Variants in ZNF143 observed in about 807,000 individuals in gnomAD.
ZNF143 encodes the protein SPH-binding factor.
In ZNF143, 49 loss-of-function variants were observed where a neutral mutation model predicts 74.1. That is an observed-to-expected ratio of 0.66 (90% CI 0.53 to 0.84). ZNF143 has a LOEUF of 0.84. Among genes scored for constraint, ZNF143 ranks in the 40% least tolerant of loss-of-function variants. ZNF143 has a pLI of 0.00. For synonymous variants in ZNF143, 304 were observed against 282.8 expected, an observed-to-expected ratio of 1.07 and a Z score of -0.75; for missense variants, 637 against 793.4, an observed-to-expected ratio of 0.80 and a Z score of 2.37.
chr11:9,478,817 A>G (rs11824009), intron 6 of ZNF143, among the ~76,000 whole-genome samples: 2,843 of 152,224 alleles, frequency 0.019, 82 homozygotes, highest in African/African-American at 0.064. Flanking sequence ...AAAAGACACT[A>G]GCAACTCAAA....
intron 12 of ZNF143, among the ~76,000 whole-genome samples, chr11:9,511,157 C>G (rs1252098253): frequency 7.7e-6 from 1 of 129,266 alleles, no homozygotes; most frequent in Non-Finnish European, 1.6e-5. Flanking sequence ...GTTGCCCAGG[C>G]TGGAGTGCAA....
rs773646909 is a variant in ZNF143 at position 9,508,792 on chromosome 11, A to G, written c.1321A>G (p.Asn441Asp). Residue 441 changes from asparagine to aspartate, a missense_variant, in exon 12 of 16, where the codon AAC (asparagine) becomes GAC (aspartate). By Grantham distance (23) the Asn-to-Asp change is conservative. Around this residue, in one of 2 missense-constraint regions of ZNF143, gnomAD observed 344 missense variants for 485.6 expected, o/e 0.71. Transcript: ENST00000396602. ...GGCCATGCACAAACGGACAGCCCAC[A>G]ACGACACTGAGCCCATCGAGGAGGA... ...TLAMHKRTAH[N>D]DTEPIEEEQE... The G allele has an allele frequency of 1.2e-6, 2 of 1,610,082 alleles. No individual in the cohort carries two copies. Among genetic ancestry groups the G allele is most frequent in the Non-Finnish European group, 1.7e-6 (2 of 1,177,936 alleles).
At chr11:9,497,474 G>A (rs576386374) in intron 9 of ZNF143, among the ~76,000 whole-genome samples, 1 of 152,108 alleles carries the variant, frequency 6.6e-6, no homozygotes, top group African/African-American at 2.4e-5. Flanking sequence ...CAGGTGATCC[G>A]CCCGCCTTGG....
At chr11:9,524,045 C>CAAA (rs533664056) in intron 14 of ZNF143, among the ~76,000 whole-genome samples, 6 of 86,718 alleles carry the variant, frequency 6.9e-5, no homozygotes, top group East Asian at 2.9e-4. Context: ...GAGACTACCT[C>CAAA]AAAAAAAAAA....
In ZNF143 at chr11:9,500,138, G is replaced by A. The variant is rs138712208; in HGVS notation, c.968-953G>A. 8.9e-4 allele frequency among the ~76,000 whole-genome samples: 135 copies of A among 151,938 alleles called. 2 individuals carry two copies. In the East Asian group the frequency reaches 0.023, roughly 25 times the overall value. On this transcript the variant is annotated intron_variant, in intron 10 of 15. Coordinates refer to ENST00000396602, the MANE Select transcript of ZNF143 (RefSeq NM_003442.6). ...TTTTGAATTTTTTTTGTAGAGACGG[G>A]GTTTCGCCATGTTGCCCAGGCTGGT... is the stretch of plus-strand genomic sequence containing the variant.
intron 10 of ZNF143, among the ~76,000 whole-genome samples, chr11:9,500,331 CTTTTTTT>C (rs11327903): frequency 2.8e-5 from 4 of 143,188 alleles, no homozygotes; most frequent in African/African-American, 1.0e-4. Flanking sequence ...ACTAGATTTT[CTTTTTTT>C]TTTTTTTGGT....
chr11:9,527,921 G>GC lies in ZNF143; in HGVS notation c.*308_*309insC. On this transcript the variant is annotated 3_prime_UTR_variant, in exon 16 of 16. Coordinates refer to ENST00000396602, the MANE Select transcript of ZNF143 (RefSeq NM_003442.6). ...CATGCAAGACTAGTAAAGTCTTATGGAGTCTTATGATGGATTTTTAACTTC... is the reference window on the plus strand; with the variant it reads ...CATGCAAGACTAGTAAAGTCTTATGGCAGTCTTATGATGGATTTTTAACTTC... 5.2e-6 allele frequency: 1 copy of GC among 193,456 alleles called. No homozygotes were observed. The highest frequency in any genetic ancestry group is 1.1e-5 in the Non-Finnish European group (1 of 95,076). The allele number at this position is 193,456 out of a possible 1,614,324, so 12.0% of individuals were successfully genotyped here. A position where few individuals can be genotyped will look rare whatever the true frequency, so the allele number is the denominator to read the frequency against.
chr11:9,471,552 T>TG (rs1554961168), intron 2 of ZNF143, 132 bp downstream of exon 2: 1 of 491,912 alleles, frequency 2.0e-6, no homozygotes, highest in African/African-American at 2.1e-5. Context: ...GGTGTTTTGG[T>TG]GTTTTTTTTT....
At position 9,527,724 on chromosome 11, in the gene ZNF143, G is replaced by A. The variant is rs2134299678; in HGVS notation, c.*111G>A. On this transcript the variant is annotated 3_prime_UTR_variant, in exon 16 of 16. Coordinates refer to ENST00000396602, the MANE Select transcript of ZNF143 (RefSeq NM_003442.6). ...AGAAGTTTTCCATTCCTGATACACT[G>A]TACACATTTTTATGCGAGAGTGGAG... 1.1e-6 allele frequency: 1 copy of A among 916,800 alleles called. No individual in the cohort carries two copies. Among genetic ancestry groups the A allele is most frequent in the Non-Finnish European group, 1.7e-6 (1 of 588,764 alleles). 56.8% of individuals were successfully genotyped at this position (916,800 alleles called of 1,614,324 possible). A position where few individuals can be genotyped will look rare whatever the true frequency, so the allele number is the denominator to read the frequency against.
intron 14 of ZNF143, among the ~76,000 whole-genome samples, chr11:9,520,178 G>C (rs1848868784): frequency 6.6e-6 from 1 of 151,390 alleles, no homozygotes; most frequent in Non-Finnish European, 1.5e-5. Flanking sequence ...CAGGATTACA[G>C]GCACCCACCA....
intron 11 of ZNF143, among the ~76,000 whole-genome samples, chr11:9,504,014 C>T (rs570695119): frequency 7.5e-6 from 1 of 133,990 alleles, no homozygotes; most frequent in African/African-American, 2.8e-5. Flanking sequence ...GGCTGGAGTG[C>T]AGTGGCGCAA....
At chr11:9,492,802 G>T (rs1047801924) in intron 7 of ZNF143, among the ~76,000 whole-genome samples, 2 of 152,122 alleles carry the variant, frequency 1.3e-5, no homozygotes, top group Non-Finnish European at 2.9e-5. Context: ...TCAAGTAGCT[G>T]ATAGACTAAT....
intron 7 of ZNF143, among the ~76,000 whole-genome samples, chr11:9,483,750 CTTT>C (rs753979043): frequency 8.8e-5 from 11 of 124,806 alleles, no homozygotes; most frequent in Non-Finnish European, 6.8e-5. Context: ...GGCCGGAATT[CTTT>C]TTTTTTTTTT....
At chr11:9,526,085 C>T (rs1232496385) in intron 15 of ZNF143, among the ~76,000 whole-genome samples, 1 of 152,040 alleles carries the variant, frequency 6.6e-6, no homozygotes, top group Non-Finnish European at 1.5e-5. Context: ...TTTGAGGCTG[C>T]AGTGAGCCAA....
rs993296948 is a variant in ZNF143 at position 9,484,958 on chromosome 11, C to T, written c.645+5412C>T. Among the ~76,000 whole-genome samples the T allele has an allele frequency of 2.0e-5, 3 of 150,198 alleles. No individual in the cohort carries two copies. The East Asian group carries it at 5.8e-4, about 29-fold the overall frequency. On this transcript the variant is annotated intron_variant, in intron 7 of 15. Coordinates refer to ENST00000396602, the MANE Select transcript of ZNF143 (RefSeq NM_003442.6). ...GACTACAGGCGCCCGCCACCACGCC[C>T]GGCTAATTTTTTGTATTTTTAGTAG...
At chr11:9,496,477 C>A in intron 9 of ZNF143, 99 bp downstream of exon 9, 3 of 964,920 alleles carry the variant, frequency 3.1e-6, no homozygotes, top group South Asian at 1.4e-5. Context: ...TCTGAATCTG[C>A]AGAAGCACAT....
intron 9 of ZNF143, among the ~76,000 whole-genome samples, chr11:9,496,956 TA>T (rs966506908): frequency 2.0e-5 from 3 of 152,126 alleles, no homozygotes; most frequent in Non-Finnish European, 4.4e-5. Context: ...AGCGGGAAAA[TA>T]AAAGCCAAGC....
At chr11:9,512,046 T>C (rs1848569319) in intron 12 of ZNF143, among the ~76,000 whole-genome samples, 1 of 152,202 alleles carries the variant, frequency 6.6e-6, no homozygotes, top group Admixed American at 6.5e-5. Context: ...CCACCGTGCC[T>C]GGCCTAACAG....
intron 14 of ZNF143, 78 bp downstream of exon 14, chr11:9,516,440 A>G: frequency 1.5e-6 from 2 of 1,336,180 alleles, no homozygotes; most frequent in Non-Finnish European, 2.0e-6. Context: ...AATGTGGTAC[A>G]ACAGTTAAGC....
Sources: gnomAD v4.1 joint callset for allele counts (sites outside exome capture counted in the v4.1 genomes callset) on GRCh38, gnomAD v4.1.1 for gene constraint, gnomAD v4.1.1 regional missense constraint, MANE v1.5 for transcripts, NCBI Gene and HGNC (gene_info 2026-07-23, HGNC 2026-07-21) for gene names.